Variants in GLS2 observed in about 807,000 individuals in gnomAD.
GLS2 encodes glutaminase 2.
In GLS2, 52 loss-of-function variants were observed where a neutral mutation model predicts 79.0. That is an observed-to-expected ratio of 0.66 (90% confidence interval 0.53 to 0.83). GLS2 has a LOEUF of 0.83. Ranked by LOEUF, GLS2 falls within the 40% of genes least tolerant of loss-of-function variation. The pLI is 0.00. For missense variants in GLS2, 561 were observed against 764.8 expected (o/e 0.73, Z 3.14); for synonymous variants, 238 against 280.8 (o/e 0.85, Z 1.52).
chr12:56,480,201 G>A, intron 2 of GLS2, 87 bp downstream of exon 2: 1 of 1,135,566 alleles, frequency 8.8e-7, no homozygotes, highest in East Asian at 2.4e-5. Context: ...CAACCCATTA[G>A]CTGCCCTGCA....
chr12:56,475,172 A>C, intron 9 of GLS2, 62 bp from the exon 10 acceptor site: 4 of 1,610,008 alleles, frequency 2.5e-6, no homozygotes, highest in Non-Finnish European at 3.4e-6. Flanking sequence ...AGAAGGGGAA[A>C]AATTACCTTC....
intron 1 of GLS2, among the ~76,000 whole-genome samples, chr12:56,482,879 G>A (rs1288110683): frequency 6.6e-6 from 1 of 152,016 alleles, no homozygotes; most frequent in Non-Finnish European, 1.5e-5. Flanking sequence ...TTATAGGCGT[G>A]AGCCACCGCA....
chr12:56,487,572 C>T (rs1201628390), intron 1 of GLS2: 1 of 320,848 alleles, frequency 3.1e-6, no homozygotes. Context: ...TCCACATCCA[C>T]GCATCTCCTA....
chr12:56,475,274 C>A, intron 9 of GLS2, 164 bp from the exon 10 acceptor site: 1 of 1,519,120 alleles, frequency 6.6e-7, no homozygotes, highest in Non-Finnish European at 8.9e-7. Flanking sequence ...TGAACCTGAG[C>A]AAACACTCAG....
chr12:56,476,033 A>G, intron 7 of GLS2, 56 bp from the exon 8 acceptor site: 1 of 1,553,264 alleles, frequency 6.4e-7, no homozygotes, highest in Non-Finnish European at 8.8e-7. Flanking sequence ...GACAGAGGGA[A>G]GGGTCAGAAG....
At chr12:56,474,181 C>G (rs1409869531) in intron 12 of GLS2, 2 of 273,166 alleles carry the variant, frequency 7.3e-6, no homozygotes, top group Non-Finnish European at 1.4e-5. Context: ...CAACCTCTGC[C>G]TCCCAGGTTC....
At position 56,471,212 on chromosome 12, in the gene GLS2, T is replaced by A. The variant is rs1486980304; in HGVS notation, c.*275A>T. 4.6e-6 allele frequency: 2 copies of A among 435,204 alleles called. No individual in the cohort carries two copies. Among genetic ancestry groups the A allele is most frequent in the Non-Finnish European group, 8.0e-6 (2 of 248,612 alleles). 27.0% of individuals were successfully genotyped at this position (435,204 alleles called of 1,614,324 possible). On this transcript the variant is annotated 3_prime_UTR_variant, in exon 18 of 18. Coordinates refer to ENST00000311966, the MANE Select transcript of GLS2 (RefSeq NM_013267.4). The stretch of plus-strand genomic sequence containing the variant: ...AGGAGACCTGGGTGAAGAGCTGGGA[T>A]GGTTTTGAGTGGGGCAAGCCATTAG...
At chr12:56,486,808 C>A (rs1306713191) in intron 1 of GLS2, among the ~76,000 whole-genome samples, 1 of 152,124 alleles carries the variant, frequency 6.6e-6, no homozygotes. Flanking sequence ...TGCAGTGAGT[C>A]GAGATGGTGC....
At chr12:56,472,006 A>C in intron 16 of GLS2, 113 bp downstream of exon 16, 1 of 1,327,736 alleles carries the variant, frequency 7.5e-7, no homozygotes, top group Non-Finnish European at 1.1e-6. Context: ...GTGTCTAGAT[A>C]AAACTAGTTG....
At chr12:56,479,432 G>A (rs1870108047) in intron 3 of GLS2, 5 of 443,288 alleles carry the variant, frequency 1.1e-5, no homozygotes, top group South Asian at 4.7e-5. Context: ...AGAATAATAT[G>A]TATGTATGTT....
chr12:56,475,892 G>A (rs1869763178), intron 8 of GLS2, 53 bp downstream of exon 8: 2 of 1,592,532 alleles, frequency 1.3e-6, no homozygotes, highest in Non-Finnish European at 1.7e-6. Flanking sequence ...AGCTGGAGAG[G>A]ACAGCATGCC....
rs746904700 is a variant in GLS2, at chr12:56,474,680, A to G, written c.1088T>C (p.Met363Thr). Residue 363 changes from methionine to threonine, a missense_variant, in exon 12 of 18, where the codon ATG becomes ACG. By Grantham distance (81) the Met-to-Thr change is moderately conservative. Transcript: ENST00000311966. ...VEVTCESGSV[M>T]AATLANGGIC... ...CCCACCGTTGGCGAGGGTGGCTGCC[A>G]TGACACTGCCTGATTCACAAGTGAC... is the stretch of plus-strand genomic sequence containing the variant. 56 of 1,612,922 alleles carry G rather than the reference A, an allele frequency of 3.5e-5. No individual in the cohort carries two copies. Among genetic ancestry groups the G allele is most frequent in the African/African-American group, 8.0e-5 (6 of 74,926 alleles).
chr12:56,483,083 CTT>C (rs756613672), intron 1 of GLS2, among the ~76,000 whole-genome samples: 9 of 141,228 alleles, frequency 6.4e-5, no homozygotes, highest in Admixed American at 1.4e-4. Flanking sequence ...CTTTTTCTTT[CTT>C]TTTTTTTTTT....
At chr12:56,474,405 G>C (rs185926014) in intron 12 of GLS2, 139 bp downstream of exon 12, 1 of 983,168 alleles carries the variant, frequency 1.0e-6, no homozygotes, top group Non-Finnish European at 1.5e-6. Flanking sequence ...CTCGTCTAAG[G>C]AGTCTCAACC....
chr12:56,479,775 C>T lies in GLS2; in HGVS notation c.404+5G>A. ...GAGCAGTGCCCTTGTTTCTGGGGCC[C>T]TCACTTTCGGAAGAGATCTCGGTCC... On this transcript the variant is annotated splice_donor_5th_base_variant and intron_variant, in intron 3 of 17. Transcript: ENST00000311966. 3 of 1,592,752 alleles carry T rather than the reference C, an allele frequency of 1.9e-6. No homozygotes were observed. Among genetic ancestry groups the T allele is most frequent in the Non-Finnish European group, 2.6e-6 (3 of 1,165,836 alleles).
intron 12 of GLS2, chr12:56,473,926 T>C (rs1255447378): frequency 1.8e-5 from 4 of 217,066 alleles, no homozygotes; most frequent in Admixed American, 1.6e-4. Context: ...TGATAAATAG[T>C]GAGAAGTAGG....
In GLS2 at chr12:56,473,570, C is replaced by G. The variant is rs1297712440; in HGVS notation, c.1249G>C (p.Val417Leu). The G allele has an allele frequency of 6.2e-7, 1 of 1,612,252 alleles. No homozygotes were observed. Among genetic ancestry groups the G allele is most frequent in the Admixed American group, 1.7e-5 (1 of 59,922 alleles). Residue 417 changes from valine (V) to leucine (L), a missense_variant, in exon 13 of 18, where the codon GTA becomes CTA. Transcript: ENST00000311966. ...FHVGLPAKSA[V>L]SGAILLVVPN... ...ACCACCAGGAGGATGGCTCCTGATA[C>G]AGCTGACTTGGCTGGCAGGCCCACC...
intron 14 of GLS2, 134 bp from the exon 15 acceptor site, chr12:56,472,885 C>CTTTTTTTTTTT: frequency 2.5e-6 from 1 of 399,736 alleles, no homozygotes; most frequent in South Asian, 2.7e-5. Context: ...CTGAAATATT[C>CTTTTTTTTTTT]TTTTTTTTTT....
chr12:56,482,102 G>A (rs1870347636), intron 1 of GLS2, among the ~76,000 whole-genome samples: 1 of 152,050 alleles, frequency 6.6e-6, no homozygotes, highest in Non-Finnish European at 1.5e-5. Flanking sequence ...GTGGTGGTGG[G>A]CTTCTGTAAT....
Sources: allele counts gnomAD v4.1 joint callset (sites outside exome capture counted in the v4.1 genomes callset), GRCh38; gene constraint gnomAD v4.1.1; transcripts MANE v1.5; gene names NCBI Gene and HGNC (gene_info 2026-07-23, HGNC 2026-07-21).